Variants in ZHX2 observed in about 807,000 individuals in gnomAD.
ZHX2 encodes the protein zinc fingers and homeoboxes 2.
ZHX2 carries 6 observed loss-of-function variants against 21.9 expected under a neutral mutation model. The ratio of observed to expected loss-of-function variants is 0.27; its 90% CI spans 0.15 to 0.54. ZHX2 has a LOEUF of 0.54. Ranked by LOEUF, ZHX2 falls within the 20% of genes least tolerant of loss-of-function variation. The pLI, the probability that ZHX2 is intolerant of heterozygous loss-of-function variation, is 0.95. For synonymous variants in ZHX2, 434 were observed against 437.1 expected, an observed-to-expected ratio of 0.99 and a Z score of 0.09; for missense variants, 908 against 1,090.7, an observed-to-expected ratio of 0.83 and a Z score of 2.36.
chr8:122,968,710 G>T (rs1478115804), intron 3 of ZHX2, among the ~76,000 whole-genome samples: 1 of 151,970 alleles, frequency 6.6e-6, no homozygotes, highest in East Asian at 1.9e-4. Context: ...ATGGTAGTGA[G>T]CGCCTATAAT....
chr8:122,943,642 C>T (rs1270343809), intron 2 of ZHX2, among the ~76,000 whole-genome samples: 1 of 152,178 alleles, frequency 6.6e-6, no homozygotes, highest in Non-Finnish European at 1.5e-5. Flanking sequence ...GTGAAGAGCT[C>T]CCAGCATCTA....
chr8:122,898,909 C>A (rs1466892303), intron 2 of ZHX2, among the ~76,000 whole-genome samples: 1 of 152,218 alleles, frequency 6.6e-6, no homozygotes, highest in Non-Finnish European at 1.5e-5. Flanking sequence ...CACCTGTGGG[C>A]TCCTGCTGTT....
intron 1 of ZHX2, among the ~76,000 whole-genome samples, chr8:122,801,513 G>C (rs1268250178): frequency 6.6e-6 from 1 of 151,722 alleles, no homozygotes; most frequent in Admixed American, 6.6e-5. Flanking sequence ...TTGGGAGGCC[G>C]AGGTGGAGGG....
At chr8:122,971,173 GT>G (rs1425499947) in intron 3 of ZHX2, among the ~76,000 whole-genome samples, 1 of 152,174 alleles carries the variant, frequency 6.6e-6, no homozygotes, top group Non-Finnish European at 1.5e-5. Flanking sequence ...ATGGGGCCTG[GT>G]GTGAGAAACT....
At chr8:122,957,571 G>A (rs951448160) in intron 3 of ZHX2, among the ~76,000 whole-genome samples, 6 of 152,106 alleles carry the variant, frequency 3.9e-5, no homozygotes, top group Admixed American at 6.5e-5. Flanking sequence ...AGGTTCAAGC[G>A]ATTCTCCTGC....
chr8:122,950,870 A>AT lies in ZHX2; in HGVS notation c.-219-421dup, dbSNP rs1041609121. ...TGATTTTGCTTTTATGATAAGCAAA[A>AT]TGTTCATATCTGTTTTCTAGCGCCT... On this transcript the variant is annotated intron_variant, in intron 2 of 3. Coordinates refer to ENST00000314393, the MANE Select transcript of ZHX2 (RefSeq NM_014943.5). 3.5e-4 allele frequency among the ~76,000 whole-genome samples: 53 copies of AT among 152,026 alleles called. 1 individual carries two copies. The highest frequency in any genetic ancestry group is 1.2e-3 in the African/African-American group (51 of 41,448).
chr8:122,895,806 C>A (rs1230552709), intron 2 of ZHX2, among the ~76,000 whole-genome samples: 2 of 151,910 alleles, frequency 1.3e-5, no homozygotes, highest in African/African-American at 4.8e-5. Context: ...TGCTATTGAA[C>A]CATCAGAACC....
At chr8:122,848,991 C>T (rs547634064) in intron 1 of ZHX2, among the ~76,000 whole-genome samples, 16 of 152,302 alleles carry the variant, frequency 1.1e-4, no homozygotes, top group Non-Finnish European at 1.6e-4. Flanking sequence ...GGTCTCTTCG[C>T]GGCTGCTTGC....
chr8:122,894,394 A>G (rs1205450474), intron 2 of ZHX2, among the ~76,000 whole-genome samples: 1 of 152,344 alleles, frequency 6.6e-6, no homozygotes. Context: ...AGGTGACACC[A>G]TGCATGGAAA....
At chr8:122,787,101 G>GTA (rs1338743538) in intron 1 of ZHX2, among the ~76,000 whole-genome samples, 1 of 151,582 alleles carries the variant, frequency 6.6e-6, no homozygotes, top group Non-Finnish European at 1.5e-5. Context: ...GTGTGTGTGT[G>GTA]TGTGTGTGTG....
In ZHX2 at chr8:122,973,080, G is replaced by A. The variant is rs185225036; in HGVS notation, c.*5-162G>A. Among the ~76,000 whole-genome samples the A allele has an allele frequency of 8.5e-5, 13 of 152,178 alleles. No individual in the cohort carries two copies. The East Asian group carries it at 1.7e-3, about 20-fold the overall frequency. ...CACTCGTTTCTTTACAACAGGCCCC[G>A]TACATGAAGGGCATGTGTCTCTCTT... is the stretch of plus-strand genomic sequence containing the variant. On this transcript the variant is annotated intron_variant, in intron 3 of 3. Coordinates refer to ENST00000314393, the MANE Select transcript of ZHX2 (RefSeq NM_014943.5).
chr8:122,950,265 C>T (rs989389703), intron 2 of ZHX2, among the ~76,000 whole-genome samples: 4 of 152,182 alleles, frequency 2.6e-5, no homozygotes, highest in Admixed American at 2.6e-4. Flanking sequence ...GAGTTTATGT[C>T]CTTTGCAGGG....
At chr8:122,843,098 TC>T (rs1365422261) in intron 1 of ZHX2, among the ~76,000 whole-genome samples, 2 of 152,238 alleles carry the variant, frequency 1.3e-5, no homozygotes, top group African/African-American at 4.8e-5. Flanking sequence ...CAGTGGAGCA[TC>T]CCTGACAGCA....
chr8:122,814,267 A>T (rs146005359), intron 1 of ZHX2, among the ~76,000 whole-genome samples: 1 of 152,288 alleles, frequency 6.6e-6, no homozygotes, highest in Non-Finnish European at 1.5e-5. Context: ...TACTAAAAAG[A>T]TTGTTTTTAT....
intron 1 of ZHX2, among the ~76,000 whole-genome samples, chr8:122,785,602 C>T (rs1817378733): frequency 6.6e-6 from 1 of 152,238 alleles, no homozygotes; most frequent in Admixed American, 6.5e-5. Flanking sequence ...CACATGGTGA[C>T]TACTGCCAGG....
intron 1 of ZHX2, among the ~76,000 whole-genome samples, chr8:122,812,509 C>G (rs1462741949): frequency 1.3e-5 from 2 of 152,162 alleles, no homozygotes; most frequent in Non-Finnish European, 2.9e-5. Flanking sequence ...AGCTAGGGTT[C>G]GGGTTCCCTG....
intron 2 of ZHX2, among the ~76,000 whole-genome samples, chr8:122,949,051 G>A (rs1252808231): frequency 2.6e-5 from 4 of 152,158 alleles, no homozygotes; most frequent in East Asian, 1.9e-4. Context: ...AGGGCCAGAC[G>A]CAGTGGCTCA....
chr8:122,939,549 C>T (rs1812790839), intron 2 of ZHX2, among the ~76,000 whole-genome samples: 1 of 152,138 alleles, frequency 6.6e-6, no homozygotes, highest in South Asian at 2.1e-4. Context: ...GAGCTGGAGG[C>T]CTGGTGGAGG....
chr8:122,809,893 G>A (rs1052043222), intron 1 of ZHX2, among the ~76,000 whole-genome samples: 1 of 152,092 alleles, frequency 6.6e-6, no homozygotes. Flanking sequence ...AGTTAGAGAG[G>A]TCTCTATGAG....
Sources: allele counts gnomAD v4.1 joint callset (sites outside exome capture counted in the v4.1 genomes callset), GRCh38; gene constraint gnomAD v4.1.1; transcripts MANE v1.5; gene names NCBI Gene and HGNC (gene_info 2026-07-23, HGNC 2026-07-21).